RETREG3: variants seen among roughly 807,000 people sequenced by gnomAD.
RETREG3 encodes the protein reticulophagy regulator 3.
Under a neutral mutation model 50.2 loss-of-function variants are expected in RETREG3, and 23 were observed. That is an observed-to-expected ratio of 0.46 (90% CI 0.33 to 0.65). The LOEUF (loss-of-function observed/expected upper bound fraction) is 0.65. Ranked by LOEUF, RETREG3 falls within the 30% of genes least tolerant of loss-of-function variation. RETREG3 has a pLI of 0.02. For synonymous variants in RETREG3, 240 were observed against 234.4 expected (o/e 1.02, Z -0.22); for missense variants, 546 against 598.0 (o/e 0.91, Z 0.91).
chr17:42,586,228 ACT>A lies in RETREG3; in HGVS notation c.505-93_505-92del, dbSNP rs2093121022. On this transcript the variant is annotated intron_variant, in intron 4 of 8. Coordinates refer to ENST00000309428, the MANE Select transcript of RETREG3 (RefSeq NM_178126.4). ...GTTAGGGTAGAGATATGACAGAAAG[ACT>A]CTGTAAGTCAAGCATGGACGTGCAG... is the stretch of plus-strand genomic sequence containing the variant. 6.6e-6 allele frequency: 8 copies of A among 1,205,932 alleles called. No individual in the cohort carries two copies. The East Asian group carries it at 7.1e-5, about 11-fold the overall frequency. The allele number at this position is 1,205,932 out of a possible 1,614,324, so 74.7% of individuals were successfully genotyped here.
chr17:42,604,006 G>A (rs934809008), intron 1 of RETREG3, among the ~76,000 whole-genome samples: 1 of 102,306 alleles, frequency 9.8e-6, no homozygotes, highest in African/African-American at 4.6e-5. Flanking sequence ...GAAATCAGAT[G>A]TGTAGATTTT....
intron 1 of RETREG3, among the ~76,000 whole-genome samples, chr17:42,593,723 A>T (rs1217946709): frequency 6.6e-6 from 1 of 151,932 alleles, no homozygotes; most frequent in Non-Finnish European, 1.5e-5. Flanking sequence ...ATACTAAGGA[A>T]TTTTTTTCTT....
At chr17:42,606,714 G>A (rs550936820) in intron 1 of RETREG3, among the ~76,000 whole-genome samples, 11 of 152,254 alleles carry the variant, frequency 7.2e-5, no homozygotes, top group South Asian at 4.1e-4. Flanking sequence ...TTTAAGGCCC[G>A]GTACAGTGCA....
At position 42,609,196 on chromosome 17, in the gene RETREG3, C is replaced by A. The variant is rs566128050; in HGVS notation, c.129G>T (p.Val43=). Residue 43 remains valine (V), a synonymous_variant, in exon 1 of 9, where the codon GTG becomes GTT. Transcript: ENST00000309428. ...GAGGCTCGTAAGGCCCCAGCACCTC[C>A]ACCAGGGCCCGCTGCGCCGCCTCAA... ...QQVEAAQRAL[V]EVLGPYEPLL... The A allele has an allele frequency of 1.2e-6, 2 of 1,609,270 alleles. No individual in the cohort carries two copies. The highest frequency in any genetic ancestry group is 1.7e-6 in the Non-Finnish European group (2 of 1,179,790).
At chr17:42,603,926 G>A (rs1186371569) in intron 1 of RETREG3, among the ~76,000 whole-genome samples, 3 of 151,476 alleles carry the variant, frequency 2.0e-5, no homozygotes, top group Admixed American at 1.3e-4. Context: ...GCAGTGAGCC[G>A]AGATCGCGCC....
At chr17:42,585,949 A>G (rs965202911) in intron 5 of RETREG3, 104 bp downstream of exon 5, 24 of 1,040,320 alleles carry the variant, frequency 2.3e-5, no homozygotes, top group African/African-American at 3.2e-5. Flanking sequence ...GTCATATCCT[A>G]GAGAATTGAA....
Position 42,584,962 on chromosome 17 carries a change from C to T in RETREG3, c.727+163G>A, listed in dbSNP as rs539304757. Among the ~76,000 whole-genome samples, 16 of 152,224 alleles carry T rather than the reference C, an allele frequency of 1.1e-4. No individual in the cohort carries two copies. The South Asian group carries it at 3.1e-3, about 30-fold the overall frequency. On this transcript the variant is annotated intron_variant, in intron 6 of 8. Coordinates refer to ENST00000309428, the MANE Select transcript of RETREG3 (RefSeq NM_178126.4). ...AATGATAAAAACTGGCAAGCCTGCA[C>T]AGGTTTCCCTAGAACAGAATATCAT...
intron 4 of RETREG3, 121 bp from the exon 5 acceptor site, chr17:42,586,258 A>C (rs2093121082): frequency 1.2e-6 from 1 of 844,400 alleles, no homozygotes; most frequent in Non-Finnish European, 1.9e-6. Context: ...ACGTGCAGCC[A>C]CTGTTGCATC....
intron 1 of RETREG3, among the ~76,000 whole-genome samples, chr17:42,602,504 T>C (rs1005938084): frequency 6.6e-6 from 1 of 152,210 alleles, no homozygotes; most frequent in Non-Finnish European, 1.5e-5. Flanking sequence ...GTATTCTTTC[T>C]CCATTTCCCC....
chr17:42,585,099 G>C, intron 6 of RETREG3, 26 bp downstream of exon 6: 8 of 1,606,982 alleles, frequency 5.0e-6, no homozygotes, highest in Non-Finnish European at 6.8e-6. Context: ...TTGCGTAAGT[G>C]GAAAGAATGA....
At chr17:42,601,146 G>A (rs759142937) in intron 1 of RETREG3, among the ~76,000 whole-genome samples, 9 of 152,104 alleles carry the variant, frequency 5.9e-5, no homozygotes, top group Non-Finnish European at 1.5e-5. Flanking sequence ...GCATGGTGGC[G>A]GGTGCCCGTA....
rs1474064293 is a variant in RETREG3 at position 42,581,840 on chromosome 17, C to T, written c.1374G>A (p.Leu458=). 1.3e-6 allele frequency: 2 copies of T among 1,599,450 alleles called. No homozygotes were observed. The highest frequency in any genetic ancestry group is 1.7e-5 in the Admixed American group (1 of 58,900). Residue 458 remains leucine (L), a synonymous_variant, in exon 9 of 9, where the codon CTG becomes CTA. Coordinates refer to ENST00000309428, the MANE Select transcript of RETREG3 (RefSeq NM_178126.4). ...AGTGGCTCCTAGAACTGGCAGGGTC[C>T]AGCTGACTCAGCTCCGACTGGTCCA... is the stretch of plus-strand genomic sequence containing the variant. The part of the protein sequence containing the change: ...ELLDQSELSQ[L]DPASSRSH
Position 42,595,708 on chromosome 17 carries a change from G to A in RETREG3, c.240-3546C>T, listed in dbSNP as rs372635308. On this transcript the variant is annotated intron_variant, in intron 1 of 8. Coordinates refer to ENST00000309428, the MANE Select transcript of RETREG3 (RefSeq NM_178126.4). ...TTGAGACGGAGTCTCTCTCTTGGTC[G>A]CCCAGGCTGGAGTGCAATGGCATGA... 4.5e-4 allele frequency among the ~76,000 whole-genome samples: 53 copies of A among 119,062 alleles called. 1 individual carries two copies. The East Asian group carries it at 0.011, about 25-fold the overall frequency. The allele number at this position is 119,062 out of a possible 152,430, so 78.1% of individuals were successfully genotyped here. A position where few individuals can be genotyped will look rare whatever the true frequency, so the allele number is the denominator to read the frequency against.
At position 42,594,199 on chromosome 17, in the gene RETREG3, A is replaced by C. The variant is rs149895020; in HGVS notation, c.240-2037T>G. ...AGTGAGATTCTGGTCTCAAAAAAAC[A>C]AATATTGGAGCCAATATGAAAATCA... On this transcript the variant is annotated intron_variant, in intron 1 of 8. Transcript: ENST00000309428. 8.5e-5 allele frequency among the ~76,000 whole-genome samples: 13 copies of C among 152,314 alleles called. No homozygotes were observed. In the East Asian group the frequency reaches 2.3e-3, roughly 27 times the overall value.
intron 3 of RETREG3, 125 bp downstream of exon 3, chr17:42,587,709 T>A: frequency 8.6e-7 from 1 of 1,167,146 alleles, no homozygotes. Context: ...AAAATGATCA[T>A]TTGGAACAGC....
At chr17:42,609,005 A>G in intron 1 of RETREG3, 81 bp downstream of exon 1, 4 of 1,399,622 alleles carry the variant, frequency 2.9e-6, no homozygotes, top group Non-Finnish European at 9.7e-7. Context: ...AGCGAAGAAA[A>G]CAGGGCAGGC....
At chr17:42,589,307 C>T (rs1035980538) in intron 2 of RETREG3, among the ~76,000 whole-genome samples, 3 of 152,202 alleles carry the variant, frequency 2.0e-5, no homozygotes, top group Admixed American at 6.5e-5. Context: ...CTAAAATCTA[C>T]ATCAGTTTTC....
intron 1 of RETREG3, among the ~76,000 whole-genome samples, chr17:42,593,670 A>AT (rs2093137818): frequency 6.6e-6 from 1 of 151,308 alleles, no homozygotes; most frequent in African/African-American, 2.4e-5. Context: ...AAAAAAAAAA[A>AT]TTGAACAATC....
At chr17:42,584,834 AAAAC>A (rs2093117887) in intron 6 of RETREG3, among the ~76,000 whole-genome samples, 3 of 151,622 alleles carry the variant, frequency 2.0e-5, no homozygotes, top group Non-Finnish European at 4.4e-5. Flanking sequence ...AAAAAAAAAA[AAAAC>A]AAACCACAAA....
Sources: gnomAD v4.1 joint callset for allele counts (sites outside exome capture counted in the v4.1 genomes callset) on GRCh38, gnomAD v4.1.1 for gene constraint, MANE v1.5 for transcripts, NCBI Gene and HGNC (gene_info 2026-07-23, HGNC 2026-07-21) for gene names.